Variants in TTC28 observed in about 807,000 individuals in gnomAD.
TTC28 encodes the protein tetratricopeptide repeat domain 28.
TTC28 carries 61 observed loss-of-function variants against 198.0 expected under a neutral mutation model. That is an observed-to-expected ratio of 0.31 (90% confidence interval 0.25 to 0.38). The LOEUF is 0.38. TTC28 is among the 10% of genes least tolerant of loss of function. The pLI is 1.00. For missense variants in TTC28, 2,678 were observed against 3,164.0 expected (o/e 0.85, Z 3.69); for synonymous variants, 1,171 against 1,297.8 (o/e 0.90, Z 2.10).
At chr22:28,388,929 T>A (rs1048109555) in intron 2 of TTC28, among the ~76,000 whole-genome samples, 18 of 152,124 alleles carry the variant, frequency 1.2e-4, no homozygotes, top group Non-Finnish European at 2.2e-4. Context: ...CAGTTTTCAG[T>A]GGGAATGCTT....
At chr22:28,512,242 A>G (rs1441165076) in intron 2 of TTC28, among the ~76,000 whole-genome samples, 2 of 152,198 alleles carry the variant, frequency 1.3e-5, no homozygotes, top group South Asian at 2.1e-4. Flanking sequence ...AACCACAACG[A>G]GATATCATAT....
intron 5 of TTC28, among the ~76,000 whole-genome samples, chr22:28,255,570 A>G (rs946421436): frequency 1.3e-5 from 2 of 151,646 alleles, no homozygotes; most frequent in Non-Finnish European, 1.5e-5. Context: ...AATCCCAGCT[A>G]CTCAGGAGGC....
At chr22:28,042,995 C>T (rs1240061260) in intron 12 of TTC28, among the ~76,000 whole-genome samples, 2 of 151,894 alleles carry the variant, frequency 1.3e-5, no homozygotes, top group African/African-American at 4.8e-5. Flanking sequence ...CCTGTAATTC[C>T]AACACTTTGG....
chr22:28,407,219 G>C (rs1424028824), intron 2 of TTC28, among the ~76,000 whole-genome samples: 15 of 152,130 alleles, frequency 9.9e-5, no homozygotes. Context: ...ATAAATAAGA[G>C]TTCCCTTCCA....
intron 17 of TTC28, among the ~76,000 whole-genome samples, chr22:27,995,099 A>T (rs1937528994): frequency 6.6e-6 from 1 of 152,180 alleles, no homozygotes; most frequent in Non-Finnish European, 1.5e-5. Context: ...TAGAGCTACC[A>T]TGCCCAGGCC....
chr22:27,992,390 C>T, intron 19 of TTC28, 197 bp downstream of exon 19: 2 of 610,916 alleles, frequency 3.3e-6, no homozygotes, highest in Non-Finnish European at 5.7e-6. Context: ...GCCTTGGCAT[C>T]GCAGATGGAA....
chr22:28,620,085 C>T (rs971140260), intron 2 of TTC28, among the ~76,000 whole-genome samples: 1 of 152,204 alleles, frequency 6.6e-6, no homozygotes, highest in African/African-American at 2.4e-5. Context: ...GGCACAGTGG[C>T]TCACGCCTGT....
chr22:28,196,051 A>G (rs1314363217), intron 5 of TTC28, among the ~76,000 whole-genome samples: 1 of 151,920 alleles, frequency 6.6e-6, no homozygotes, highest in East Asian at 1.9e-4. Context: ...ACAAGGCTAC[A>G]GTAACCAAAA....
rs117287538 is a variant in TTC28 at position 28,521,848 on chromosome 22, G to A, written c.381+107704C>T. On this transcript the variant is annotated intron_variant, in intron 2 of 22. Transcript: ENST00000397906. The stretch of plus-strand genomic sequence containing the variant: ...AGCAGCCTCAGAATGCTGAGGAGAC[G>A]GGAATTGGAATTCAGAACCCATTAG... Among the ~76,000 whole-genome samples, 237 of 152,272 alleles carry A rather than the reference G, an allele frequency of 1.6e-3. 7 individuals are homozygous for A. In the East Asian group the frequency reaches 0.041, roughly 26 times the overall value.
chr22:28,654,174 G>C (rs2051607639), intron 1 of TTC28, among the ~76,000 whole-genome samples: 1 of 152,124 alleles, frequency 6.6e-6, no homozygotes, highest in South Asian at 2.1e-4. Flanking sequence ...AAAAGCCCAA[G>C]TGCCCTCAGT....
At chr22:27,984,426 C>G (rs374128131) in intron 22 of TTC28, among the ~76,000 whole-genome samples, 2 of 152,132 alleles carry the variant, frequency 1.3e-5, no homozygotes, top group Non-Finnish European at 2.9e-5. Context: ...GTGAGAGAGA[C>G]ACACCCTGCC....
chr22:28,108,898 C>T (rs1205543249), intron 6 of TTC28, among the ~76,000 whole-genome samples: 1 of 152,148 alleles, frequency 6.6e-6, no homozygotes, highest in African/African-American at 2.4e-5. Context: ...TAAAGCAACC[C>T]TGAAGTACCA....
intron 5 of TTC28, among the ~76,000 whole-genome samples, chr22:28,228,225 G>A (rs969048341): frequency 6.6e-6 from 1 of 152,020 alleles, no homozygotes; most frequent in African/African-American, 2.4e-5. Context: ...GGAGAATGAG[G>A]AGTTGACTGT....
chr22:28,259,094 T>C (rs1446910656), intron 5 of TTC28, among the ~76,000 whole-genome samples: 3 of 152,160 alleles, frequency 2.0e-5, no homozygotes, highest in Admixed American at 6.6e-5. Flanking sequence ...TGGCAAAACA[T>C]GGTGGATGAG....
rs1238628390 is a variant in TTC28, at chr22:28,414,690, G to GT, written c.382-108048dup. ...GAAGAGGGAAGGACAGGGCAGCGAT[G>GT]TAAGACAGTCCCTGAGGGAAGAAAA... On this transcript the variant is annotated intron_variant, in intron 2 of 22. Transcript: ENST00000397906. Among the ~76,000 whole-genome samples, 3 of 152,226 alleles carry GT rather than the reference G, an allele frequency of 2.0e-5. No homozygotes were observed. The East Asian group carries it at 5.8e-4, about 29-fold the overall frequency.
intron 2 of TTC28, among the ~76,000 whole-genome samples, chr22:28,549,498 G>C (rs969360860): frequency 6.6e-6 from 1 of 152,066 alleles, no homozygotes; most frequent in Non-Finnish European, 1.5e-5. Context: ...CTGCTGCCAG[G>C]CCCTGTGTTA....
At chr22:28,591,040 C>CACATATATAT (rs1362164401) in intron 2 of TTC28, among the ~76,000 whole-genome samples, 10 of 30,744 alleles carry the variant, frequency 3.3e-4, no homozygotes, top group African/African-American at 1.3e-3. Flanking sequence ...CACACACACA[C>CACATATATAT]ATATATATAT....
At chr22:28,145,933 T>A (rs1456849416) in intron 6 of TTC28, among the ~76,000 whole-genome samples, 1 of 152,156 alleles carries the variant, frequency 6.6e-6, no homozygotes, top group Non-Finnish European at 1.5e-5. Context: ...TTGGGGAGGA[T>A]GAAGAAACTG....
Position 28,047,102 on chromosome 22 carries a change from C to T in TTC28, c.3933-16736G>A, listed in dbSNP as rs1939897383. Among the ~76,000 whole-genome samples, 3 of 152,172 alleles carry T rather than the reference C, an allele frequency of 2.0e-5. No homozygotes were observed. In the South Asian group the frequency reaches 6.2e-4, roughly 32 times the overall value. On this transcript the variant is annotated intron_variant, in intron 12 of 22. Coordinates refer to ENST00000397906, the MANE Select transcript of TTC28 (RefSeq NM_001145418.2). ...ACCATACAGTGAGTCCCCATCCCAGCCCCTTTCGGAGAGGAGTGAGGGGGC... is the reference window on the plus strand; with the variant it reads ...ACCATACAGTGAGTCCCCATCCCAGTCCCTTTCGGAGAGGAGTGAGGGGGC...
Sources: gnomAD v4.1 joint callset for allele counts (sites outside exome capture counted in the v4.1 genomes callset) on GRCh38, gnomAD v4.1.1 for gene constraint, MANE v1.5 for transcripts, NCBI Gene and HGNC (gene_info 2026-07-23, HGNC 2026-07-21) for gene names.